PHLPP1: variants seen among roughly 807,000 people sequenced by gnomAD.
The protein encoded by PHLPP1 is PH domain and leucine rich repeat protein phosphatase 1, also known as PH domain leucine-rich repeat-containing protein phosphatase 1.
In PHLPP1, 42 loss-of-function variants were observed where a neutral mutation model predicts 117.2. The ratio of observed to expected loss-of-function variants is 0.36; its 90% CI spans 0.28 to 0.46. The LOEUF (loss-of-function observed/expected upper bound fraction) is 0.46, where lower values mean the gene tolerates loss of function less well. Ranked by LOEUF, PHLPP1 falls within the 20% of genes least tolerant of loss-of-function variation. PHLPP1 has a pLI of 1.00. For synonymous variants in PHLPP1, 1,042 were observed against 970.7 expected (o/e 1.07, Z -1.37); for missense variants, 2,084 against 2,241.9 (o/e 0.93, Z 1.42).
intron 13 of PHLPP1, among the ~76,000 whole-genome samples, chr18:62,961,922 C>G (rs1029424610): frequency 6.6e-6 from 1 of 152,120 alleles, no homozygotes; most frequent in African/African-American, 2.4e-5. Context: ...TTTCTAGTTA[C>G]AAAGGGAATA....
chr18:62,848,455 ATTTTTT>A lies in PHLPP1; in HGVS notation c.1899+9566_1899+9571del, dbSNP rs56223512. ...ATTCTATGAGGTTGGTTTTTTGTTGATTTTTTTTTTTTTTTTTTTTTTTTTGAGACA... is the reference window on the plus strand; with the variant it reads ...ATTCTATGAGGTTGGTTTTTTGTTGATTTTTTTTTTTTTTTTTTTGAGACA... On this transcript the variant is annotated intron_variant, in intron 3 of 16. Transcript: ENST00000262719. Among the ~76,000 whole-genome samples the A allele has an allele frequency of 4.6e-4, 41 of 88,518 alleles. No homozygotes were observed. In the South Asian group the frequency reaches 0.014, roughly 30 times the overall value. 58.1% of individuals were successfully genotyped at this position (88,518 alleles called of 152,430 possible). A position where few individuals can be genotyped will look rare whatever the true frequency, so the allele number is the denominator to read the frequency against.
chr18:62,762,181 T>A (rs931926584), intron 1 of PHLPP1, among the ~76,000 whole-genome samples: 1 of 151,982 alleles, frequency 6.6e-6, no homozygotes, highest in African/African-American at 2.4e-5. Context: ...AAAGCTATGG[T>A]TTTGATGTAC....
chr18:62,715,732 A>C lies in PHLPP1; in HGVS notation c.49A>C (p.Arg17=). The C allele has an allele frequency of 1.7e-6, 2 of 1,197,096 alleles. No individual in the cohort carries two copies. The highest frequency in any genetic ancestry group is 7.4e-5 in the East Asian group (2 of 27,022). The allele number at this position is 1,197,096 out of a possible 1,614,324, so 74.2% of individuals were successfully genotyped here. A position where few individuals can be genotyped will look rare whatever the true frequency, so the allele number is the denominator to read the frequency against. Residue 17 remains arginine, a synonymous_variant, in exon 1 of 17, where the codon AGG becomes CGG. Coordinates refer to ENST00000262719, the MANE Select transcript of PHLPP1 (RefSeq NM_194449.4). ...ATVQRLPELG[R]EDRASAPAAA... is the part of the protein sequence containing the mutation. ...GGTACAGCGACTCCCCGAGCTCGGC[A>C]GGGAGGACCGAGCTTCGGCTCCGGC...
At chr18:62,887,293 A>G (rs562122866) in intron 4 of PHLPP1, among the ~76,000 whole-genome samples, 7 of 152,250 alleles carry the variant, frequency 4.6e-5, no homozygotes, top group East Asian at 3.9e-4. Context: ...TTTTTTATCT[A>G]TGAGCTTGGA....
At chr18:62,937,072 C>A (rs1375707895) in intron 10 of PHLPP1, among the ~76,000 whole-genome samples, 1 of 152,124 alleles carries the variant, frequency 6.6e-6, no homozygotes, top group Non-Finnish European at 1.5e-5. Flanking sequence ...GGTATGTCTA[C>A]AAATAGATAA....
At chr18:62,905,130 GAATA>G in intron 7 of PHLPP1, 90 bp from the exon 8 acceptor site, 1 of 622,450 alleles carries the variant, frequency 1.6e-6, no homozygotes, top group Non-Finnish European at 2.5e-6. Context: ...AAACAATAGA[GAATA>G]AAGCACAGTA....
intron 4 of PHLPP1, among the ~76,000 whole-genome samples, chr18:62,871,432 A>G (rs981757659): frequency 1.3e-5 from 2 of 151,724 alleles, no homozygotes. Flanking sequence ...GGTTCAAGCA[A>G]TTCTCCTGCC....
intron 1 of PHLPP1, among the ~76,000 whole-genome samples, chr18:62,815,651 T>C (rs1207215727): frequency 5.9e-5 from 9 of 152,200 alleles, no homozygotes; most frequent in South Asian, 4.1e-4. Flanking sequence ...GGAAGCTATA[T>C]GCTTTTATGA....
At chr18:62,725,626 C>T (rs1031242159) in intron 1 of PHLPP1, among the ~76,000 whole-genome samples, 1 of 151,890 alleles carries the variant, frequency 6.6e-6, no homozygotes, top group African/African-American at 2.4e-5. Flanking sequence ...CTCTTTCTGT[C>T]TCTTAAAAAA....
At chr18:62,826,641 A>C (rs2144328081) in intron 1 of PHLPP1, among the ~76,000 whole-genome samples, 1 of 152,326 alleles carries the variant, frequency 6.6e-6, no homozygotes, top group African/African-American at 2.4e-5. Flanking sequence ...CTTTAAAAAA[A>C]CAATTTTACT....
At chr18:62,796,989 A>G (rs897525385) in intron 1 of PHLPP1, among the ~76,000 whole-genome samples, 8 of 152,356 alleles carry the variant, frequency 5.3e-5, no homozygotes, top group Non-Finnish European at 1.0e-4. Flanking sequence ...AGAATTCTGT[A>G]GATAGGCAGA....
At chr18:62,919,636 C>T (rs920521817) in intron 9 of PHLPP1, among the ~76,000 whole-genome samples, 2 of 152,242 alleles carry the variant, frequency 1.3e-5, no homozygotes, top group Non-Finnish European at 2.9e-5. Flanking sequence ...ATACAAGATA[C>T]AAGCCCTACT....
intron 1 of PHLPP1, among the ~76,000 whole-genome samples, chr18:62,730,886 A>G (rs1911207697): frequency 6.6e-6 from 1 of 151,842 alleles, no homozygotes; most frequent in African/African-American, 2.4e-5. Flanking sequence ...TGTTATACAA[A>G]TGTCATGTGG....
At position 62,931,040 on chromosome 18, in the gene PHLPP1, CA is replaced by C. The variant is rs1333146720; in HGVS notation, c.2961-10671del. Among the ~76,000 whole-genome samples, 3 of 151,786 alleles carry C rather than the reference CA, an allele frequency of 2.0e-5. No homozygotes were observed. In the South Asian group the frequency reaches 6.2e-4, roughly 32 times the overall value. On this transcript the variant is annotated intron_variant, in intron 10 of 16. Transcript: ENST00000262719. ...CCCATCTCTACTAAAAAAGAAAATA[CA>C]AAAAAATTAGCCGGGAATGGTGGCA...
At chr18:62,863,522 T>G (rs917687459) in intron 4 of PHLPP1, among the ~76,000 whole-genome samples, 6 of 152,186 alleles carry the variant, frequency 3.9e-5, no homozygotes, top group Admixed American at 3.3e-4. Flanking sequence ...TTCTTGATTA[T>G]ATGCTAAATA....
chr18:62,916,990 G>T (rs778540422), intron 9 of PHLPP1, among the ~76,000 whole-genome samples: 84 of 150,112 alleles, frequency 5.6e-4, no homozygotes, highest in Non-Finnish European at 1.1e-3. Context: ...CTGACCTCAG[G>T]TGATCCGCCT....
chr18:62,785,747 A>G (rs1207089686), intron 1 of PHLPP1, among the ~76,000 whole-genome samples: 1 of 152,164 alleles, frequency 6.6e-6, no homozygotes, highest in Non-Finnish European at 1.5e-5. Context: ...GGGCCTAAGT[A>G]AAAAAGGAAT....
chr18:62,974,886 C>T (rs1356369010), intron 15 of PHLPP1, among the ~76,000 whole-genome samples: 3 of 152,180 alleles, frequency 2.0e-5, no homozygotes, highest in African/African-American at 7.2e-5. Context: ...CTGCTACCAG[C>T]AAACACCCTT....
At chr18:62,758,781 CAAAA>C (rs1225265934) in intron 1 of PHLPP1, among the ~76,000 whole-genome samples, 1 of 151,864 alleles carries the variant, frequency 6.6e-6, no homozygotes, top group Non-Finnish European at 1.5e-5. Flanking sequence ...CAAAACAAAA[CAAAA>C]AAACGATCTT....
Sources: allele counts gnomAD v4.1 joint callset (sites outside exome capture counted in the v4.1 genomes callset), GRCh38; gene constraint gnomAD v4.1.1; transcripts MANE v1.5; gene names NCBI Gene and HGNC (gene_info 2026-07-23, HGNC 2026-07-21).